The following DEUP1 variants were observed in gnomAD, a reference collection of about 807,000 sequenced individuals.
The protein encoded by DEUP1 is coiled-coil domain containing 67.
DEUP1 carries 82 observed loss-of-function variants against 87.4 expected under a neutral mutation model. The ratio of observed to expected loss-of-function variants is 0.94; its 90% CI spans 0.78 to 1.13. DEUP1 has a LOEUF of 1.13. DEUP1 is among the 50% of genes most tolerant of loss of function. The pLI is 0.00. For missense variants in DEUP1, 663 were observed against 681.5 expected, an observed-to-expected ratio of 0.97 and a Z score of 0.30; for synonymous variants, 214 against 222.7, an observed-to-expected ratio of 0.96 and a Z score of 0.35.
intron 2 of DEUP1, among the ~76,000 whole-genome samples, chr11:93,353,197 G>C (rs559269170): frequency 6.6e-6 from 1 of 152,272 alleles, no homozygotes; most frequent in East Asian, 1.9e-4. Context: ...AAAACAGAGG[G>C]GTTACAGGCC....
intron 12 of DEUP1, among the ~76,000 whole-genome samples, chr11:93,409,066 AG>A (rs773450491): frequency 2.6e-5 from 4 of 152,188 alleles, no homozygotes; most frequent in Non-Finnish European, 5.9e-5. Flanking sequence ...TATGTTGGCC[AG>A]GCTGGTCTCT....
chr11:93,332,886 C>G (rs1339632964), intron 2 of DEUP1, among the ~76,000 whole-genome samples: 2 of 152,220 alleles, frequency 1.3e-5, no homozygotes, highest in Non-Finnish European at 2.9e-5. Context: ...CACTAGCCAA[C>G]TGACCACTGG....
intron 5 of DEUP1, 90 bp downstream of exon 5, chr11:93,364,384 C>T: frequency 8.6e-7 from 1 of 1,159,378 alleles, no homozygotes; most frequent in Non-Finnish European, 1.3e-6. Flanking sequence ...ACAATGGTGT[C>T]TTCAGTTGTG....
intron 7 of DEUP1, among the ~76,000 whole-genome samples, chr11:93,376,889 G>T (rs1012235685): frequency 2.6e-5 from 4 of 152,084 alleles, no homozygotes; most frequent in Admixed American, 2.6e-4. Context: ...ATGATCATTT[G>T]GGAGCAGGTT....
At chr11:93,433,726 T>C (rs745926207) in intron 13 of DEUP1, among the ~76,000 whole-genome samples, 14 of 152,052 alleles carry the variant, frequency 9.2e-5, no homozygotes, top group Non-Finnish European at 1.6e-4. Flanking sequence ...CGAGGGAGTA[T>C]TTTAGTATTT....
chr11:93,406,752 A>G (rs577760681), intron 11 of DEUP1, among the ~76,000 whole-genome samples: 1 of 152,060 alleles, frequency 6.6e-6, no homozygotes, highest in South Asian at 2.1e-4. Context: ...TGTAAAAAAA[A>G]TTCCTTCAAA....
intron 5 of DEUP1, among the ~76,000 whole-genome samples, chr11:93,366,938 T>G (rs553399088): frequency 1.3e-5 from 2 of 152,320 alleles, no homozygotes; most frequent in South Asian, 4.1e-4. Context: ...TAAATCTAGA[T>G]TGCATTAATT....
chr11:93,386,567 T>G (rs1252511550), intron 8 of DEUP1, among the ~76,000 whole-genome samples: 1 of 152,238 alleles, frequency 6.6e-6, no homozygotes, highest in Non-Finnish European at 1.5e-5. Flanking sequence ...CAATAATTAT[T>G]TCTTCAAAGT....
intron 5 of DEUP1, among the ~76,000 whole-genome samples, chr11:93,368,238 CT>C (rs1945520085): frequency 6.6e-6 from 1 of 152,214 alleles, no homozygotes; most frequent in African/African-American, 2.4e-5. Context: ...GGCAAAGTCA[CT>C]GTCTTAGTTA....
chr11:93,354,069 G>T (rs1944766710), intron 2 of DEUP1, among the ~76,000 whole-genome samples: 1 of 152,106 alleles, frequency 6.6e-6, no homozygotes, highest in Non-Finnish European at 1.5e-5. Flanking sequence ...TTTATGCTCT[G>T]TTTCACTTTT....
At chr11:93,377,648 T>C (rs1418980307) in intron 7 of DEUP1, among the ~76,000 whole-genome samples, 2 of 152,176 alleles carry the variant, frequency 1.3e-5, no homozygotes, top group African/African-American at 4.8e-5. Flanking sequence ...TACTATTATA[T>C]TCATCATGCT....
Position 93,437,969 on chromosome 11 carries a change from A to T in DEUP1, c.*250A>T, listed in dbSNP as rs77815733. On this transcript the variant is annotated 3_prime_UTR_variant, in exon 14 of 14. Transcript: ENST00000298050. ...AATAAACATGACTATTCCAAAAGAGATTTTTTTCCAGTCTAAGGAATATTT... is the reference window on the plus strand; with the variant it reads ...AATAAACATGACTATTCCAAAAGAGTTTTTTTTCCAGTCTAAGGAATATTT... 1,439 of 271,998 alleles carry T rather than the reference A, an allele frequency of 5.3e-3. 23 individuals are homozygous for T. The highest frequency in any genetic ancestry group is 0.031 in the African/African-American group (1,365 of 44,256). The allele number at this position is 271,998 out of a possible 1,614,324, so 16.8% of individuals were successfully genotyped here. A position where few individuals can be genotyped will look rare whatever the true frequency, so the allele number is the denominator to read the frequency against.
intron 2 of DEUP1, among the ~76,000 whole-genome samples, chr11:93,336,023 G>C (rs976249215): frequency 7.9e-5 from 12 of 152,154 alleles, no homozygotes; most frequent in Non-Finnish European, 1.6e-4. Context: ...TGAGGCAGGA[G>C]AATCATTTGA....
At chr11:93,396,434 G>T in intron 11 of DEUP1, 109 bp downstream of exon 11, 1 of 645,008 alleles carries the variant, frequency 1.6e-6, no homozygotes, top group South Asian at 2.4e-5. Flanking sequence ...ACATGAAGGA[G>T]TTGGGTGGTA....
chr11:93,363,498 A>G (rs1281278879), intron 4 of DEUP1, among the ~76,000 whole-genome samples: 1 of 151,902 alleles, frequency 6.6e-6, no homozygotes, highest in African/African-American at 2.4e-5. Flanking sequence ...ATTTTAAAAT[A>G]AAATGTGTAA....
At chr11:93,394,892 C>T (rs1946889620) in intron 10 of DEUP1, among the ~76,000 whole-genome samples, 1 of 152,090 alleles carries the variant, frequency 6.6e-6, no homozygotes, top group Non-Finnish European at 1.5e-5. Context: ...CTCATCTTTC[C>T]ATTTTCTTGT....
In DEUP1 at chr11:93,347,492, T is replaced by A. The variant is rs114257776; in HGVS notation, c.30-7879T>A. Among the ~76,000 whole-genome samples the A allele has an allele frequency of 4.6e-3, 696 of 152,282 alleles. 5 individuals carry two copies. The highest frequency in any genetic ancestry group is 0.015 in the African/African-American group (625 of 41,556). ...CTGAGGTTTTTCTTTTTTTGTTTTATCTCTGCCAGGTTTTGGTCAGGATGA... is the reference window on the plus strand; with the variant it reads ...CTGAGGTTTTTCTTTTTTTGTTTTAACTCTGCCAGGTTTTGGTCAGGATGA... On this transcript the variant is annotated intron_variant, in intron 2 of 13. Transcript: ENST00000298050.
intron 10 of DEUP1, among the ~76,000 whole-genome samples, chr11:93,395,602 T>G (rs535911558): frequency 3.8e-4 from 58 of 152,284 alleles, no homozygotes; most frequent in African/African-American, 1.4e-3. Context: ...CTTTATATTT[T>G]TGTACGTTTT....
intron 12 of DEUP1, among the ~76,000 whole-genome samples, chr11:93,413,773 T>C (rs1376043856): frequency 6.6e-6 from 1 of 152,226 alleles, no homozygotes; most frequent in Non-Finnish European, 1.5e-5. Flanking sequence ...CCATGCTGTA[T>C]GACTTTCACT....
Sources: allele counts gnomAD v4.1 joint callset (sites outside exome capture counted in the v4.1 genomes callset), GRCh38; gene constraint gnomAD v4.1.1; transcripts MANE v1.5; gene names NCBI Gene and HGNC (gene_info 2026-07-23, HGNC 2026-07-21).